The following PRTG variants were observed in gnomAD, a reference collection of about 807,000 sequenced individuals.
The protein encoded by PRTG is protogenin.
A neutral mutation model predicts 122.5 loss-of-function variants in PRTG; 67 were observed. The ratio of observed to expected loss-of-function variants is 0.55; its 90% confidence interval spans 0.45 to 0.67. PRTG has a LOEUF of 0.67. PRTG is among the 30% of genes least tolerant of loss of function. The pLI is 0.00. For missense variants in PRTG, 1,435 were observed against 1,415.4 expected (o/e 1.01, Z -0.22); for synonymous variants, 554 against 501.1 (o/e 1.11, Z -1.41).
chr15:55,702,512 G>A (rs1249148803), intron 2 of PRTG, among the ~76,000 whole-genome samples: 3 of 152,122 alleles, frequency 2.0e-5, no homozygotes, highest in Non-Finnish European at 4.4e-5. Context: ...TTCATCTAGA[G>A]CATATAGTAT....
At chr15:55,719,217 T>C (rs926445210) in intron 2 of PRTG, among the ~76,000 whole-genome samples, 33 of 152,228 alleles carry the variant, frequency 2.2e-4, no homozygotes, top group African/African-American at 7.7e-4. Flanking sequence ...ATTGTCCTAA[T>C]TGATTTTACT....
chr15:55,737,005 A>G (rs1353638993), intron 2 of PRTG, among the ~76,000 whole-genome samples: 1 of 152,204 alleles, frequency 6.6e-6, no homozygotes, highest in African/African-American at 2.4e-5. Flanking sequence ...ATGCTTTCCT[A>G]CGAAATTTAT....
chr15:55,723,269 T>C (rs1445086391), intron 2 of PRTG, among the ~76,000 whole-genome samples: 1 of 152,020 alleles, frequency 6.6e-6, no homozygotes, highest in Admixed American at 6.6e-5. Context: ...AAGGAGAGGT[T>C]AGCACCTAAA....
At chr15:55,631,069 C>T (rs894202404) in intron 15 of PRTG, among the ~76,000 whole-genome samples, 4 of 152,228 alleles carry the variant, frequency 2.6e-5, no homozygotes, top group East Asian at 3.9e-4. Context: ...CCTCCAGCAG[C>T]GATGCCAGGA....
chr15:55,624,093 G>A (rs2059181087), intron 18 of PRTG, among the ~76,000 whole-genome samples: 1 of 151,678 alleles, frequency 6.6e-6, no homozygotes, highest in East Asian at 1.9e-4. Flanking sequence ...ATTATATGTT[G>A]GAATATAATA....
intron 8 of PRTG, 98 bp from the exon 9 acceptor site, chr15:55,675,781 T>C (rs1461462341): frequency 1.6e-6 from 1 of 622,134 alleles, no homozygotes; most frequent in Non-Finnish European, 2.7e-6. Flanking sequence ...TTGGGTCTAA[T>C]CTCAATCTCT....
intron 2 of PRTG, among the ~76,000 whole-genome samples, chr15:55,706,041 TA>T (rs2030098673): frequency 9.2e-6 from 1 of 109,144 alleles, no homozygotes; most frequent in Non-Finnish European, 2.1e-5. Context: ...TTTGTATTTT[TA>T]GTAGAGACGG....
At chr15:55,678,119 A>T in intron 7 of PRTG, 75 bp from the exon 8 acceptor site, 1 of 816,496 alleles carries the variant, frequency 1.2e-6, no homozygotes, top group Non-Finnish European at 1.9e-6. Context: ...CTATTGCTAA[A>T]TATACTCTCA....
At chr15:55,659,057 T>C (rs916627484) in intron 11 of PRTG, among the ~76,000 whole-genome samples, 1 of 152,204 alleles carries the variant, frequency 6.6e-6, no homozygotes, top group African/African-American at 2.4e-5. Context: ...AACACTCAGC[T>C]GAGGCAGCTG....
chr15:55,635,727 A>G (rs1162975336), intron 15 of PRTG, among the ~76,000 whole-genome samples: 1 of 152,178 alleles, frequency 6.6e-6, no homozygotes, highest in East Asian at 1.9e-4. Context: ...GCTTATTTTA[A>G]AACTCATAAG....
intron 11 of PRTG, among the ~76,000 whole-genome samples, chr15:55,661,886 C>CTTAAA: frequency 1.2e-5 from 1 of 83,984 alleles, no homozygotes; most frequent in East Asian, 2.3e-4. Flanking sequence ...AGAAATCTTG[C>CTTAAA]TTAATACTTA....
intron 8 of PRTG, among the ~76,000 whole-genome samples, chr15:55,676,588 C>G (rs896108439): frequency 1.3e-5 from 2 of 152,170 alleles, no homozygotes; most frequent in Non-Finnish European, 2.9e-5. Context: ...AGATTACAGG[C>G]ATTTCACAAC....
chr15:55,630,600 G>T (rs2059222436), intron 15 of PRTG, among the ~76,000 whole-genome samples: 1 of 152,132 alleles, frequency 6.6e-6, no homozygotes, highest in Non-Finnish European at 1.5e-5. Flanking sequence ...CATGACATTT[G>T]ATATCTAAAG....
rs1288964755 is a variant in PRTG at position 55,611,848 on chromosome 15, G to A, written c.*8164C>T. ...ATGGCATTCACAGAACTGATCCCCT[G>A]AGTCAAGTATAAAATTAATATAGCT... On this transcript the variant is annotated 3_prime_UTR_variant, in exon 20 of 20. Coordinates refer to ENST00000389286, the MANE Select transcript of PRTG (RefSeq NM_173814.6). The A allele has an allele frequency of 1.3e-5, 2 of 151,960 alleles. No individual in the cohort carries two copies. The highest frequency in any genetic ancestry group is 4.8e-5 in the African/African-American group (2 of 41,406). 9.4% of individuals were successfully genotyped at this position (151,960 alleles called of 1,614,324 possible). A position where few individuals can be genotyped will look rare whatever the true frequency, so the allele number is the denominator to read the frequency against.
At position 55,738,019 on chromosome 15, in the gene PRTG, T is replaced by TACACAC. The variant is rs1555438599; in HGVS notation, c.397+2362_397+2363insGTGTGT. Among the ~76,000 whole-genome samples, 575 of 114,758 alleles carry TACACAC rather than the reference T, an allele frequency of 5.0e-3. 3 individuals are homozygous for TACACAC. The highest frequency in any genetic ancestry group is 7.0e-3 in the Non-Finnish European group (396 of 56,382). 75.3% of individuals were successfully genotyped at this position (114,758 alleles called of 152,430 possible). A position where few individuals can be genotyped will look rare whatever the true frequency, so the allele number is the denominator to read the frequency against. On this transcript the variant is annotated intron_variant, in intron 2 of 19. Coordinates refer to ENST00000389286, the MANE Select transcript of PRTG (RefSeq NM_173814.6). Reference sequence around the variant, plus strand: ...CTCTCTCTCTATATATATATATATATATATATACACACACACACACACACA... The same window carrying TACACAC: ...CTCTCTCTCTATATATATATATATATACACACATATATACACACACACACACACACA...
chr15:55,676,416 C>T (rs955703397), intron 8 of PRTG, among the ~76,000 whole-genome samples: 1 of 152,240 alleles, frequency 6.6e-6, no homozygotes, highest in East Asian at 1.9e-4. Flanking sequence ...AGCCACTGTG[C>T]TTTGCTAACA....
At chr15:55,710,347 A>G (rs986212981) in intron 2 of PRTG, among the ~76,000 whole-genome samples, 1 of 152,168 alleles carries the variant, frequency 6.6e-6, no homozygotes, top group East Asian at 1.9e-4. Context: ...GTTGTTCTAC[A>G]TTTTTCATTA....
At position 55,730,940 on chromosome 15, in the gene PRTG, C is replaced by T. The variant is rs571625404; in HGVS notation, c.397+9442G>A. Among the ~76,000 whole-genome samples the T allele has an allele frequency of 2.9e-4, 44 of 152,240 alleles. 3 individuals are homozygous for T. In the South Asian group the frequency reaches 8.3e-3, roughly 29 times the overall value. ...TAAGTTTCTAAGACTACAGAAGTTG[C>T]GATCTTTACTTAAGGAAGAGGAAGG... On this transcript the variant is annotated intron_variant, in intron 2 of 19. Transcript: ENST00000389286.
chr15:55,667,301 C>A (rs1245004359), intron 11 of PRTG, among the ~76,000 whole-genome samples: 1 of 151,154 alleles, frequency 6.6e-6, no homozygotes, highest in South Asian at 2.1e-4. Context: ...TTAGAGGTAG[C>A]TGCAAATTGG....
Sources: allele counts gnomAD v4.1 joint callset (sites outside exome capture counted in the v4.1 genomes callset), GRCh38; gene constraint gnomAD v4.1.1; transcripts MANE v1.5; gene names NCBI Gene and HGNC (gene_info 2026-07-23, HGNC 2026-07-21).